PROC: variants seen among roughly 807,000 people sequenced by gnomAD.
PROC encodes protein C, inactivator of coagulation factors Va and VIIIa.
In PROC, 22 loss-of-function variants were observed where a neutral mutation model predicts 36.3. The observed-to-expected ratio is 0.61, with a 90% CI of 0.43 to 0.86. The LOEUF is 0.86. PROC is among the 40% of genes least tolerant of loss of function. The pLI is 0.00. For missense variants in PROC, 526 were observed against 629.7 expected, an observed-to-expected ratio of 0.84 and a Z score of 1.76; for synonymous variants, 218 against 244.5, an observed-to-expected ratio of 0.89 and a Z score of 1.01.
chr2:127,424,348 C>T (rs544108217), intron 6 of PROC, among the ~76,000 whole-genome samples: 46 of 152,206 alleles, frequency 3.0e-4, no homozygotes, highest in African/African-American at 9.1e-4. Context: ...TACAGGCATG[C>T]GCCACCACGC....
At chr2:127,427,352 T>C in intron 8 of PROC, 130 bp downstream of exon 8, 1 of 799,706 alleles carries the variant, frequency 1.3e-6, no homozygotes, top group African/African-American at 1.7e-5. Context: ...CCACAGAAGG[T>C]GTTTGGGGGG....
intron 6 of PROC, among the ~76,000 whole-genome samples, chr2:127,425,744 AG>A (rs1490335732): frequency 7.1e-6 from 1 of 141,504 alleles, no homozygotes; most frequent in East Asian, 2.0e-4. Flanking sequence ...GACTGACTGG[AG>A]GGGGTTTGTA....
intron 8 of PROC, among the ~76,000 whole-genome samples, 196 bp from the exon 9 acceptor site, chr2:127,428,161 C>G (rs1036389722): frequency 6.6e-6 from 1 of 152,208 alleles, no homozygotes. Flanking sequence ...GAAAAGTCAC[C>G]GTTGATAGGG....
intron 6 of PROC, among the ~76,000 whole-genome samples, chr2:127,424,558 G>A (rs1363280367): frequency 6.6e-6 from 1 of 152,206 alleles, no homozygotes; most frequent in East Asian, 1.9e-4. Context: ...AAAATTTTTG[G>A]CCAGGCTCAG....
At chr2:127,419,736 C>A in intron 1 of PROC, 186 bp from the exon 2 acceptor site, 2 of 1,371,402 alleles carry the variant, frequency 1.5e-6, no homozygotes, top group East Asian at 2.6e-5. Flanking sequence ...GTGAGCTCAG[C>A]CCCACGTAGA....
chr2:127,426,622 G>T lies in PROC; in HGVS notation c.678+395G>T, dbSNP rs532453223. 33 of 345,722 alleles carry T rather than the reference G, an allele frequency of 9.5e-5. No individual in the cohort carries two copies. Among genetic ancestry groups the T allele is most frequent in the Admixed American group, 2.1e-4 (5 of 24,184 alleles). The allele number at this position is 345,722 out of a possible 1,614,324, so 21.4% of individuals were successfully genotyped here. On this transcript the variant is annotated intron_variant, in intron 7 of 8. Transcript: ENST00000234071. This position sits in a 1 kb window ranked among gnomAD's most constrained non-coding sequence, Gnocchi z 7.0. The stretch of plus-strand genomic sequence containing the variant: ...CTTACTGGGTTCCCCTCTCTGCCAG[G>T]CATGGGGGAGATAGGAACCAACAAG...
chr2:127,427,253 G>A (rs1485550174), intron 8 of PROC, 31 bp downstream of exon 8: 1 of 1,589,338 alleles, frequency 6.3e-7, no homozygotes. Flanking sequence ...GAAGGGGGCT[G>A]CCAGAGGCCT....
At position 127,422,800 on chromosome 2, in the gene PROC, C is replaced by T. The variant is rs1158820442; in HGVS notation, c.238-117C>T. On this transcript the variant is annotated intron_variant, in intron 3 of 8. Transcript: ENST00000234071. Reference sequence around the variant, plus strand: ...GCCAACGACCATCGGGCGTCGATCCCTGTTTGTCTGGAAGCCCTCCCCTCC... The same window carrying T: ...GCCAACGACCATCGGGCGTCGATCCTTGTTTGTCTGGAAGCCCTCCCCTCC... 21 of 1,402,800 alleles carry T rather than the reference C, an allele frequency of 1.5e-5. 1 individual carries two copies. The South Asian group carries it at 2.6e-4, about 17-fold the overall frequency. The allele number at this position is 1,402,800 out of a possible 1,614,324, so 86.9% of individuals were successfully genotyped here.
At position 127,428,507 on chromosome 2, in the gene PROC, T is replaced by C. The variant is rs1255483838; in HGVS notation, c.947T>C (p.Val316Ala). The C allele has an allele frequency of 6.2e-7, 1 of 1,613,932 alleles. No homozygotes were observed. The highest frequency in any genetic ancestry group is 8.5e-7 in the Non-Finnish European group (1 of 1,180,042). Residue 316 changes from valine to alanine, a missense_variant, in exon 9 of 9, where the codon GTG becomes GCG. Physicochemically the swap from Val to Ala is moderately conservative, Grantham distance 64. Coordinates refer to ENST00000234071, the MANE Select transcript of PROC (RefSeq NM_000312.4). ...CCCGCCACCCTCTCGCAGACCATAGTGCCCATCTGCCTCCCGGACAGCGGC... is the reference window on the plus strand; with the variant it reads ...CCCGCCACCCTCTCGCAGACCATAGCGCCCATCTGCCTCCCGGACAGCGGC... ...AQPATLSQTIVPICLPDSGLA... is the reference protein window; with the variant it reads ...AQPATLSQTIAPICLPDSGLA...
chr2:127,420,675 A>C (rs1688042085), intron 2 of PROC, among the ~76,000 whole-genome samples: 1 of 151,678 alleles, frequency 6.6e-6, no homozygotes, highest in South Asian at 2.1e-4. Context: ...TGTGCCCTGC[A>C]CCCAAGACAG....
chr2:127,419,877 A>C, intron 1 of PROC, 45 bp from the exon 2 acceptor site: 1 of 1,613,398 alleles, frequency 6.2e-7, no homozygotes, highest in South Asian at 1.1e-5. Context: ...CAGGCAGAGC[A>C]GCAGCGGGGG....
At chr2:127,423,634 T>A in intron 6 of PROC, 1 of 610,246 alleles carries the variant, frequency 1.6e-6, no homozygotes, top group Non-Finnish European at 2.6e-6. Context: ...CCTTTCTTCC[T>A]GGCGTCCCCG....
chr2:127,425,051 T>C (rs776514600), intron 6 of PROC, among the ~76,000 whole-genome samples: 11 of 152,204 alleles, frequency 7.2e-5, no homozygotes, highest in South Asian at 2.1e-4. Flanking sequence ...GAGCCTCTGG[T>C]TCACCTTCTG....
intron 6 of PROC, 83 bp downstream of exon 6, chr2:127,423,491 C>G: frequency 6.7e-7 from 1 of 1,498,604 alleles, no homozygotes. Flanking sequence ...GCGCGGGGGG[C>G]TCAGGAGGGT....
intron 8 of PROC, 55 bp from the exon 9 acceptor site, chr2:127,428,302 G>A (rs926534079): frequency 1.2e-5 from 18 of 1,557,280 alleles, no homozygotes; most frequent in African/African-American, 1.4e-5. Flanking sequence ...TCAGGAAAGT[G>A]CCACTGGGGA....
In PROC at chr2:127,418,546, G is replaced by T; in HGVS notation, c.-22+54G>T. 7.9e-7 allele frequency: 1 copy of T among 1,273,302 alleles called. No homozygotes were observed. The highest frequency in any genetic ancestry group is 1.0e-6 in the Non-Finnish European group (1 of 973,958). The allele number at this position is 1,273,302 out of a possible 1,614,324, so 78.9% of individuals were successfully genotyped here. A position where few individuals can be genotyped will look rare whatever the true frequency, so the allele number is the denominator to read the frequency against. Reference sequence around the variant, plus strand: ...GGGGTGTGGAGGGAGGGCTGCCCCCGGGAGAAGAGAGCTAGGTGGTGATGA... The same window carrying T: ...GGGGTGTGGAGGGAGGGCTGCCCCCTGGAGAAGAGAGCTAGGTGGTGATGA... On this transcript the variant is annotated intron_variant, in intron 1 of 8. Transcript: ENST00000234071. The surrounding 1 kb of genome is among the most constrained non-coding windows in gnomAD (Gnocchi z 4.8).
Position 127,423,401 on chromosome 2 carries a change from C to A in PROC, c.528C>A (p.His176Gln). 6.5e-7 allele frequency: 1 copy of A among 1,549,930 alleles called. No individual in the cohort carries two copies. The highest frequency in any genetic ancestry group is 8.7e-7 in the Non-Finnish European group (1 of 1,146,992). ...TGGGGGACGACCTCCTGCAGTGTCA[C>A]CCCGCAGGTGAGAAGCCCCCAATAC... ...YKLGDDLLQCHPAVKFPCGRP... is the reference protein window; with the variant it reads ...YKLGDDLLQCQPAVKFPCGRP... The change falls in exon 6 of 9, where the codon CAC becomes CAA. Residue 176 changes from histidine (H) to glutamine (Q), a missense_variant. By Grantham distance (24) the His-to-Gln change is conservative. Coordinates refer to ENST00000234071, the MANE Select transcript of PROC (RefSeq NM_000312.4).
chr2:127,421,378 G>C lies in PROC; in HGVS notation c.166G>C (p.Glu56Gln). 6.2e-7 allele frequency: 1 copy of C among 1,613,928 alleles called. No individual in the cohort carries two copies. Among genetic ancestry groups the C allele is most frequent in the South Asian group, 1.1e-5 (1 of 91,084 alleles). Residue 56 changes from glutamate to glutamine, a missense_variant, in exon 3 of 9, where the codon GAG (glutamate) becomes CAG (glutamine). Physicochemically the swap from Glu to Gln is conservative, Grantham distance 29. Transcript: ENST00000234071. ...GGAGGAGCTCCGTCACAGCAGCCTG[G>C]AGCGGGAGTGCATAGAGGAGATCTG... ...FLEELRHSSL[E>Q]RECIEEICDF...
At position 127,426,731 on chromosome 2, in the gene PROC, C is replaced by T. The variant is rs147429475; in HGVS notation, c.679-374C>T. ...CAGCCCAGTGGGACCACAGCCAGGA[C>T]GGCCCTTCAAGATAGGGGCTGAGGG... On this transcript the variant is annotated intron_variant, in intron 7 of 8. Transcript: ENST00000234071. This position sits in a 1 kb window ranked among gnomAD's most constrained non-coding sequence, Gnocchi z 7.0. Among the ~76,000 whole-genome samples the T allele has an allele frequency of 1.4e-4, 21 of 152,120 alleles. No individual in the cohort carries two copies. The highest frequency in any genetic ancestry group is 4.3e-4 in the African/African-American group (18 of 41,414).
Sources: gnomAD v4.1 joint callset for allele counts (sites outside exome capture counted in the v4.1 genomes callset) on GRCh38, gnomAD v4.1.1 for gene constraint, Gnocchi (gnomAD v3.1) non-coding constraint, MANE v1.5 for transcripts, NCBI Gene and HGNC (gene_info 2026-07-23, HGNC 2026-07-21) for gene names.